Variants in LRRFIP2 observed in about 807,000 individuals in gnomAD.
LRRFIP2 encodes LRR binding FLII interacting protein 2.
Under a neutral mutation model 125.9 loss-of-function variants are expected in LRRFIP2, and 109 were observed. The ratio of observed to expected loss-of-function variants is 0.87; its 90% confidence interval spans 0.74 to 1.01. The LOEUF is 1.01. Ranked by LOEUF, LRRFIP2 falls within the 50% of genes least tolerant of loss-of-function variation. LRRFIP2 has a pLI of 0.00. For synonymous variants in LRRFIP2, 291 were observed against 293.1 expected, an observed-to-expected ratio of 0.99 and a Z score of 0.07; for missense variants, 850 against 862.3, an observed-to-expected ratio of 0.99 and a Z score of 0.18.
rs1048180908 is a variant in LRRFIP2 at position 37,070,694 on chromosome 3, T to C, written c.1464+2096A>G. 7.2e-5 allele frequency among the ~76,000 whole-genome samples: 11 copies of C among 152,234 alleles called. No individual in the cohort carries two copies. In the East Asian group the frequency reaches 2.1e-3, roughly 30 times the overall value. On this transcript the variant is annotated intron_variant, in intron 21 of 27. Transcript: ENST00000336686. ...GCAGTGAGCTGAGATCGTGCCACTA[T>C]ACTCCAGCCTTGGGGAGAGAGAGAG...
intron 1 of LRRFIP2, among the ~76,000 whole-genome samples, chr3:37,160,509 G>A (rs1000030720): frequency 1.3e-5 from 2 of 152,180 alleles, no homozygotes. Flanking sequence ...GTCGGGCGCA[G>A]TGTCTCACAC....
At chr3:37,143,137 A>C (rs1416734859) in intron 2 of LRRFIP2, among the ~76,000 whole-genome samples, 1 of 152,198 alleles carries the variant, frequency 6.6e-6, no homozygotes, top group Non-Finnish European at 1.5e-5. Context: ...AGTAGATGCC[A>C]GTGCCATGCT....
At chr3:37,174,646 A>C (rs2096632389), upstream of LRRFIP2, 1 of 152,202 alleles carries the variant, frequency 6.6e-6, no homozygotes, top group African/African-American at 2.4e-5. Flanking sequence ...AAATCAAAGC[A>C]ATCACTTATA....
chr3:37,088,041 T>A (rs1486722986), intron 18 of LRRFIP2, among the ~76,000 whole-genome samples: 2 of 152,214 alleles, frequency 1.3e-5, no homozygotes, highest in Non-Finnish European at 2.9e-5. Context: ...AATCTGTATT[T>A]ATTAAAAGCT....
At chr3:37,126,016 G>T (rs201586826) in intron 4 of LRRFIP2, among the ~76,000 whole-genome samples, 125 of 149,996 alleles carry the variant, frequency 8.3e-4, no homozygotes, top group Admixed American at 2.1e-3. Context: ...CAGTTTTTTT[G>T]TTGTTGTTGT....
At chr3:37,146,042 T>C (rs1357927851) in intron 2 of LRRFIP2, among the ~76,000 whole-genome samples, 3 of 152,144 alleles carry the variant, frequency 2.0e-5, no homozygotes, top group African/African-American at 7.2e-5. Flanking sequence ...TCCTATACAA[T>C]TTTTTAAAGA....
chr3:37,152,877 G>A (rs928000117), intron 1 of LRRFIP2, among the ~76,000 whole-genome samples: 13 of 152,118 alleles, frequency 8.5e-5, no homozygotes, highest in Non-Finnish European at 1.9e-4. Flanking sequence ...TCCAATATTT[G>A]TCCATCAGTC....
chr3:37,107,658 G>C (rs1042814655), intron 13 of LRRFIP2, among the ~76,000 whole-genome samples: 19 of 152,004 alleles, frequency 1.2e-4, no homozygotes, highest in African/African-American at 4.1e-4. Flanking sequence ...TAATCAGCTT[G>C]TTTTATTTCT....
chr3:37,079,801 C>A (rs528680246), intron 19 of LRRFIP2, among the ~76,000 whole-genome samples: 2 of 152,092 alleles, frequency 1.3e-5, no homozygotes, highest in African/African-American at 4.8e-5. Flanking sequence ...GAAAACATCA[C>A]GCTAAGCGAA....
At chr3:37,066,843 T>A (rs1176880262) in intron 21 of LRRFIP2, 2 of 153,534 alleles carry the variant, frequency 1.3e-5, no homozygotes, top group Non-Finnish European at 2.9e-5. Context: ...TTTCTCCAAG[T>A]AGTGTGGCAA....
chr3:37,059,540 G>A (rs1219173109), intron 24 of LRRFIP2, among the ~76,000 whole-genome samples: 1 of 152,124 alleles, frequency 6.6e-6, no homozygotes, highest in African/African-American at 2.4e-5. Flanking sequence ...TGTAATCCCA[G>A]CACTTTGGGA....
At chr3:37,165,806 AAAGAAAG>A (rs577634190) in intron 1 of LRRFIP2, among the ~76,000 whole-genome samples, 2 of 89,904 alleles carry the variant, frequency 2.2e-5, no homozygotes, top group African/African-American at 4.3e-5. Context: ...AGAAAGAAAG[AAAGAAAG>A]AAAGAAAGAA....
At chr3:37,096,187 A>G (rs1266717162) in intron 16 of LRRFIP2, among the ~76,000 whole-genome samples, 1 of 152,230 alleles carries the variant, frequency 6.6e-6, no homozygotes, top group Non-Finnish European at 1.5e-5. Context: ...CTTTCTAATA[A>G]TACTTTCAGA....
intron 23 of LRRFIP2, chr3:37,064,215 A>G (rs1327589565): frequency 6.3e-6 from 1 of 159,676 alleles, no homozygotes; most frequent in Non-Finnish European, 1.4e-5. Flanking sequence ...AGGAAGCTAG[A>G]GAAGAGAAAA....
chr3:37,070,114 CTTTTT>C (rs528717261), intron 21 of LRRFIP2, among the ~76,000 whole-genome samples: 2 of 136,950 alleles, frequency 1.5e-5, no homozygotes, highest in Admixed American at 1.5e-4. Flanking sequence ...TAAATTTCCT[CTTTTT>C]TTTTTTTTTT....
intron 4 of LRRFIP2, among the ~76,000 whole-genome samples, chr3:37,124,146 T>C (rs1244153683): frequency 6.6e-6 from 1 of 152,206 alleles, no homozygotes; most frequent in Non-Finnish European, 1.5e-5. Flanking sequence ...ATATTTGTGC[T>C]AATGTAGTAC....
intron 6 of LRRFIP2, among the ~76,000 whole-genome samples, chr3:37,120,105 C>CTTTTT (rs201402337): frequency 1.5e-5 from 2 of 129,512 alleles, no homozygotes; most frequent in Non-Finnish European, 3.3e-5. Flanking sequence ...TGTTAATATT[C>CTTTTT]TTTTTTTTTT....
At chr3:37,111,156 AAT>A in intron 8 of LRRFIP2, 91 bp from the exon 9 acceptor site, 1 of 885,650 alleles carries the variant, frequency 1.1e-6, no homozygotes, top group South Asian at 1.5e-5. Context: ...AAAAAGGCAA[AAT>A]ATGATATTGC....
intron 21 of LRRFIP2, among the ~76,000 whole-genome samples, chr3:37,070,597 G>A (rs1357337657): frequency 6.6e-6 from 1 of 151,896 alleles, no homozygotes; most frequent in East Asian, 2.0e-4. Context: ...TTAGCCGGAC[G>A]TGGTGGTGCA....
Sources: gnomAD v4.1 joint callset for allele counts (sites outside exome capture counted in the v4.1 genomes callset) on GRCh38, gnomAD v4.1.1 for gene constraint, MANE v1.5 for transcripts, NCBI Gene and HGNC (gene_info 2026-07-23, HGNC 2026-07-21) for gene names.